Variants in AUTS2 observed in about 807,000 individuals in gnomAD.
AUTS2 encodes activator of transcription and developmental regulator AUTS2, also known as autism susceptibility gene 2 protein.
A neutral mutation model predicts 112.4 loss-of-function variants in AUTS2; 17 were observed. That is an observed-to-expected ratio of 0.15 (90% confidence interval 0.10 to 0.23). The LOEUF (loss-of-function observed/expected upper bound fraction) is 0.23. AUTS2 is among the 10% of genes least tolerant of loss of function. The pLI is 1.00. For missense variants in AUTS2, 1,510 were observed against 1,701.6 expected (o/e 0.89, Z 1.98); for synonymous variants, 751 against 702.7 (o/e 1.07, Z -1.09).
chr7:70,086,958 ATTTCT>A (rs1803639907), intron 2 of AUTS2, among the ~76,000 whole-genome samples: 1 of 149,540 alleles, frequency 6.7e-6, no homozygotes, highest in Non-Finnish European at 1.5e-5. Flanking sequence ...GGATGCTTTC[ATTTCT>A]TTTCTTATAT....
At chr7:70,354,951 G>A (rs541639781) in intron 4 of AUTS2, among the ~76,000 whole-genome samples, 1 of 151,180 alleles carries the variant, frequency 6.6e-6, no homozygotes, top group South Asian at 2.1e-4. Context: ...TATTAGAAAG[G>A]GCTGCTGTGT....
chr7:70,430,112 G>T (rs1445672499), intron 4 of AUTS2, among the ~76,000 whole-genome samples: 1 of 152,158 alleles, frequency 6.6e-6, no homozygotes, highest in Non-Finnish European at 1.5e-5. Flanking sequence ...ATGGCCACAG[G>T]GATGGAGAGT....
intron 1 of AUTS2, among the ~76,000 whole-genome samples, chr7:69,775,343 A>G (rs1157592322): frequency 6.6e-6 from 1 of 152,198 alleles, no homozygotes; most frequent in Non-Finnish European, 1.5e-5. Context: ...CTCTCCATAG[A>G]GGCTGAGAAT....
chr7:70,521,174 A>C (rs1311688250), intron 5 of AUTS2, among the ~76,000 whole-genome samples: 1 of 152,174 alleles, frequency 6.6e-6, no homozygotes, highest in South Asian at 2.1e-4. Flanking sequence ...AAAAGACCCC[A>C]GGCTGTGTGT....
chr7:69,941,695 T>A (rs1246867608), intron 2 of AUTS2, among the ~76,000 whole-genome samples: 6 of 151,990 alleles, frequency 3.9e-5, no homozygotes, highest in African/African-American at 1.5e-4. Flanking sequence ...TGCTTGAGAA[T>A]GTGTATTTGC....
chr7:70,320,894 C>T (rs1790222229), intron 4 of AUTS2, among the ~76,000 whole-genome samples: 1 of 152,186 alleles, frequency 6.6e-6, no homozygotes, highest in Non-Finnish European at 1.5e-5. Context: ...AGGCTCTTGT[C>T]TGTCCATCTC....
rs1247015701 is a variant in AUTS2, at chr7:69,876,350, ATAT to A, written c.310-22935_310-22933del. On this transcript the variant is annotated intron_variant, in intron 1 of 18. Coordinates refer to ENST00000342771, the MANE Select transcript of AUTS2 (RefSeq NM_015570.4). ...CAAAAAAAAAAAAAAAAAAAAAAAAATATATATATATATATATATATATATATA... is the reference window on the plus strand; with the variant it reads ...CAAAAAAAAAAAAAAAAAAAAAAAAAATATATATATATATATATATATATA... Among the ~76,000 whole-genome samples, 86 of 26,438 alleles carry A rather than the reference ATAT, an allele frequency of 3.3e-3. 2 individuals carry two copies. The highest frequency in any genetic ancestry group is 9.2e-3 in the African/African-American group (47 of 5,088). The allele number at this position is 26,438 out of a possible 152,430, so 17.3% of individuals were successfully genotyped here.
chr7:70,246,720 G>C (rs1812942610), intron 4 of AUTS2, among the ~76,000 whole-genome samples: 1 of 151,722 alleles, frequency 6.6e-6, no homozygotes, highest in South Asian at 2.1e-4. Flanking sequence ...AACTCATCAA[G>C]TTTCATATTC....
chr7:70,309,212 CATT>C (rs1479256462), intron 4 of AUTS2, among the ~76,000 whole-genome samples: 1 of 152,150 alleles, frequency 6.6e-6, no homozygotes, highest in Non-Finnish European at 1.5e-5. Flanking sequence ...TGTCTTATAA[CATT>C]ATACTATATT....
chr7:69,719,257 T>A (rs990058161), intron 1 of AUTS2, among the ~76,000 whole-genome samples: 3 of 152,202 alleles, frequency 2.0e-5, no homozygotes, highest in Non-Finnish European at 2.9e-5. Flanking sequence ...AGATTTTTTT[T>A]AAAGACAGTT....
intron 4 of AUTS2, among the ~76,000 whole-genome samples, chr7:70,173,316 G>A (rs959941374): frequency 1.9e-4 from 29 of 151,272 alleles, no homozygotes; most frequent in Non-Finnish European, 3.5e-4. Context: ...AGCCGAGGTC[G>A]TGCCACTGTA....
At chr7:70,407,565 A>T (rs1794590824) in intron 4 of AUTS2, among the ~76,000 whole-genome samples, 1 of 152,170 alleles carries the variant, frequency 6.6e-6, no homozygotes, top group Non-Finnish European at 1.5e-5. Context: ...ACATAAAGTG[A>T]TTGTTTATTA....
intron 1 of AUTS2, among the ~76,000 whole-genome samples, chr7:69,813,597 A>G (rs1790639145): frequency 6.6e-6 from 1 of 152,214 alleles, no homozygotes; most frequent in South Asian, 2.1e-4. Flanking sequence ...TAATGACTGC[A>G]AAGTGCTTGG....
chr7:70,487,516 C>T (rs529457096), intron 5 of AUTS2, among the ~76,000 whole-genome samples: 1 of 152,294 alleles, frequency 6.6e-6, no homozygotes, highest in South Asian at 2.1e-4. Flanking sequence ...ATGGAAATCT[C>T]AGAAGCCATT....
At chr7:69,947,074 GTTA>G (rs1796843924) in intron 2 of AUTS2, among the ~76,000 whole-genome samples, 2 of 152,152 alleles carry the variant, frequency 1.3e-5, no homozygotes, top group East Asian at 3.9e-4. Context: ...GCTTGTTGTC[GTTA>G]CAGATGCTCC....
At chr7:70,550,422 G>A (rs1042116377) in intron 5 of AUTS2, among the ~76,000 whole-genome samples, 3 of 152,020 alleles carry the variant, frequency 2.0e-5, no homozygotes, top group East Asian at 1.9e-4. Flanking sequence ...AGGATGGGGG[G>A]ATTGCCAAAA....
intron 4 of AUTS2, among the ~76,000 whole-genome samples, chr7:70,174,053 C>T (rs1364634483): frequency 6.6e-6 from 1 of 152,154 alleles, no homozygotes; most frequent in Non-Finnish European, 1.5e-5. Context: ...TGTTGAAAGC[C>T]AAGATGGGCT....
intron 1 of AUTS2, among the ~76,000 whole-genome samples, chr7:69,888,092 CT>C (rs1186084437): frequency 6.6e-6 from 1 of 152,036 alleles, no homozygotes; most frequent in African/African-American, 2.4e-5. Flanking sequence ...GGGAGGATCG[CT>C]TGAGGCCAGA....
intron 2 of AUTS2, among the ~76,000 whole-genome samples, chr7:70,003,196 T>A (rs1265445736): frequency 7.4e-6 from 1 of 135,386 alleles, no homozygotes; most frequent in Non-Finnish European, 1.5e-5. Context: ...TATATATGAA[T>A]ATATTATATA....
Sources: allele counts gnomAD v4.1 joint callset (sites outside exome capture counted in the v4.1 genomes callset), GRCh38; gene constraint gnomAD v4.1.1; transcripts MANE v1.5; gene names NCBI Gene and HGNC (gene_info 2026-07-23, HGNC 2026-07-21).